Variants in CDHR2 observed in about 807,000 individuals in gnomAD.
The protein encoded by CDHR2 is cadherin-related family member 2.
In CDHR2, 104 loss-of-function variants were observed where a neutral mutation model predicts 138.6. The ratio of observed to expected loss-of-function variants is 0.75; its 90% CI spans 0.64 to 0.88. The LOEUF (loss-of-function observed/expected upper bound fraction) is 0.88. CDHR2 is among the 40% of genes least tolerant of loss of function. The pLI is 0.00. For missense variants in CDHR2, 1,624 were observed against 1,727.6 expected (o/e 0.94, Z 1.06); for synonymous variants, 755 against 742.8 (o/e 1.02, Z -0.27).
At chr5:176,585,123 C>A in intron 19 of CDHR2, 108 bp downstream of exon 19, 1 of 1,315,800 alleles carries the variant, frequency 7.6e-7, no homozygotes, top group Non-Finnish European at 1.0e-6. Flanking sequence ...TGGCTCCAGC[C>A]CTTTCCAGCT....
At chr5:176,544,121 G>A (rs190143796) in intron 1 of CDHR2, among the ~76,000 whole-genome samples, 3 of 152,254 alleles carry the variant, frequency 2.0e-5, no homozygotes, top group Non-Finnish European at 2.9e-5. Flanking sequence ...CAACCAGGTC[G>A]TCTGCTTAGC....
At position 176,568,801 on chromosome 5, in the gene CDHR2, G is replaced by A; in HGVS notation, c.248G>A (p.Ser83Asn). Reference protein sequence around the residue: ...TPKTGEVKLASALDYETLYTF... With the variant: ...TPKTGEVKLANALDYETLYTF... ...AAAACTGGGGAAGTGAAGCTGGCCA[G>A]CGCTCTGGACTACGAGGTAAAGAGC... Residue 83 changes from serine (S) to asparagine (N), a missense_variant, in exon 4 of 32, where the codon AGC becomes AAC. Physicochemically the swap from Ser to Asn is conservative, Grantham distance 46 (BLOSUM62 1). Transcript: ENST00000261944. 6.2e-7 allele frequency: 1 copy of A among 1,614,214 alleles called. No individual in the cohort carries two copies. Among genetic ancestry groups the A allele is most frequent in the South Asian group, 1.1e-5 (1 of 91,092 alleles).
At position 176,584,395 on chromosome 5, in the gene CDHR2, G is replaced by T. The variant is rs997126444; in HGVS notation, c.2129-15G>T. The T allele has an allele frequency of 6.2e-7, 1 of 1,600,274 alleles. No homozygotes were observed. The highest frequency in any genetic ancestry group is 1.3e-5 in the African/African-American group (1 of 74,930). On this transcript the variant is annotated splice_polypyrimidine_tract_variant and intron_variant, in intron 18 of 31. Coordinates refer to ENST00000261944, the MANE Select transcript of CDHR2 (RefSeq NM_017675.6). ...GGGGTCAGGAGTCCTTCTGAGCTCT[G>T]CCCCTTGTCCACAGGAGTGCTAGTG...
At chr5:176,552,975 A>G (rs1757741664) in intron 1 of CDHR2, among the ~76,000 whole-genome samples, 2 of 152,172 alleles carry the variant, frequency 1.3e-5, no homozygotes, top group Admixed American at 6.5e-5. Context: ...ACACAAATGC[A>G]AAGGGGCATC....
intron 14 of CDHR2, 59 bp downstream of exon 14, chr5:176,577,857 A>G: frequency 6.7e-7 from 1 of 1,485,190 alleles, no homozygotes; most frequent in Non-Finnish European, 9.0e-7. Flanking sequence ...TGCATGTGTG[A>G]GTGTGAGAGT....
rs749454728 is a variant in CDHR2, at chr5:176,574,040, G to A, written c.406-43G>A. 13 of 1,446,142 alleles carry A rather than the reference G, an allele frequency of 9.0e-6. No individual in the cohort carries two copies. In the Admixed American group the frequency reaches 2.1e-4, roughly 23 times the overall value. The allele number at this position is 1,446,142 out of a possible 1,614,324, so 89.6% of individuals were successfully genotyped here. A position where few individuals can be genotyped will look rare whatever the true frequency, so the allele number is the denominator to read the frequency against. On this transcript the variant is annotated intron_variant, in intron 6 of 31. Coordinates refer to ENST00000261944, the MANE Select transcript of CDHR2 (RefSeq NM_017675.6). ...GGGCAGTGACGGACAAGGGAGAGGA[G>A]GAGCTGGATTTGAGCTCATAGGTGA...
intron 17 of CDHR2, among the ~76,000 whole-genome samples, chr5:176,583,953 C>G (rs934000261): frequency 1.3e-5 from 2 of 152,144 alleles, no homozygotes; most frequent in African/African-American, 4.8e-5. Context: ...GCAAGCAGGG[C>G]TTCCTGAGGA....
At chr5:176,581,628 G>T (rs760005612) in intron 17 of CDHR2, 46 bp downstream of exon 17, 4 of 1,598,000 alleles carry the variant, frequency 2.5e-6, no homozygotes, top group South Asian at 1.1e-5. Context: ...CTCCCAAGCC[G>T]ATAGCCAGCC....
intron 1 of CDHR2, among the ~76,000 whole-genome samples, chr5:176,554,073 T>C (rs11134981): frequency 0.51 from 78,236 of 152,102 alleles, 24,721 homozygotes; most frequent in Non-Finnish European, 0.7. Flanking sequence ...TCAGTCTGGC[T>C]GAGTGCAGCC....
chr5:176,560,247 A>C (rs1407680306), intron 1 of CDHR2, among the ~76,000 whole-genome samples: 3 of 152,074 alleles, frequency 2.0e-5, no homozygotes, highest in Non-Finnish European at 4.4e-5. Context: ...AAATACAAAA[A>C]TTAGCCAGGC....
rs575722771 is a variant in CDHR2 at position 176,543,930 on chromosome 5, C to T, written c.-16+1161C>T. Among the ~76,000 whole-genome samples, 6 of 152,246 alleles carry T rather than the reference C, an allele frequency of 3.9e-5. No homozygotes were observed. The highest frequency in any genetic ancestry group is 9.6e-5 in the African/African-American group (4 of 41,466). On this transcript the variant is annotated intron_variant, in intron 1 of 31. Coordinates refer to the CDHR2 transcript ENST00000510636. This position sits in a 1 kb window ranked among gnomAD's most constrained non-coding sequence, Gnocchi z 4.0. ...CCTGTGTCCCCATCGCTAGAGCCAA[C>T]CTGGACCAGGGCATGGCCGGCACCA...
chr5:176,571,143 A>T, intron 5 of CDHR2, 70 bp from the exon 6 acceptor site: 1 of 981,064 alleles, frequency 1.0e-6, no homozygotes, highest in Non-Finnish European at 1.6e-6. Context: ...AGCTCTTTGT[A>T]CGATACTTGC....
intron 20 of CDHR2, 108 bp from the exon 21 acceptor site, chr5:176,586,685 T>C: frequency 1.0e-6 from 1 of 967,078 alleles, no homozygotes. Flanking sequence ...GGTAGAGAGG[T>C]TGAGGGCAGG....
chr5:176,557,015 TC>T (rs60974567), intron 1 of CDHR2, among the ~76,000 whole-genome samples: 4,264 of 56,082 alleles, frequency 0.076, 260 homozygotes, highest in African/African-American at 0.24. Context: ...TCTCTCTCTC[TC>T]TTTTTTTTTT....
chr5:176,557,305 G>A (rs947185993), intron 1 of CDHR2, among the ~76,000 whole-genome samples: 1 of 151,582 alleles, frequency 6.6e-6, no homozygotes, highest in Non-Finnish European at 1.5e-5. Context: ...TCCTGGGCTC[G>A]AGTGATCCTC....
In CDHR2 at chr5:176,590,591, T is replaced by C. The variant is rs767100355; in HGVS notation, c.3443T>C (p.Leu1148Pro). The change falls in exon 28 of 32, where the codon CTG becomes CCG. Residue 1148 changes from leucine to proline, a missense_variant. Physicochemically the swap from Leu to Pro is moderately conservative, Grantham distance 98 (BLOSUM62 -3). Transcript: ENST00000261944. ...LGSQESQESDLSKQLISVIIG... is the reference protein window; with the variant it reads ...LGSQESQESDPSKQLISVIIG... ...TCCCAGGAGAGCCAGGAGTCAGACCTGTCGAAACAGCTCATCAGTGTCATC... is the reference window on the plus strand; with the variant it reads ...TCCCAGGAGAGCCAGGAGTCAGACCCGTCGAAACAGCTCATCAGTGTCATC... 1.9e-6 allele frequency: 3 copies of C among 1,614,054 alleles called. No individual in the cohort carries two copies. The highest frequency in any genetic ancestry group is 2.5e-6 in the Non-Finnish European group (3 of 1,180,000).
chr5:176,582,248 G>A (rs528791627), intron 17 of CDHR2, among the ~76,000 whole-genome samples: 10 of 152,064 alleles, frequency 6.6e-5, no homozygotes, highest in South Asian at 6.2e-4. Flanking sequence ...TTGAACTCCC[G>A]AGCTCAAGCG....
chr5:176,572,129 A>G (rs1052672191), intron 6 of CDHR2, among the ~76,000 whole-genome samples: 2 of 151,794 alleles, frequency 1.3e-5, no homozygotes, highest in Non-Finnish European at 2.9e-5. Context: ...CACTCCTGTA[A>G]TACCAGCACT....
In CDHR2 at chr5:176,568,684, A is replaced by T; in HGVS notation, c.131A>T (p.Gln44Leu). 1 of 1,614,092 alleles carries T rather than the reference A, an allele frequency of 6.2e-7. No homozygotes were observed. The highest frequency in any genetic ancestry group is 8.5e-7 in the Non-Finnish European group (1 of 1,179,968). Residue 44 changes from glutamine (Q) to leucine (L), a missense_variant, in exon 4 of 32, where the codon CAG (glutamine) becomes CTG (leucine). Physicochemically the swap from Gln to Leu is moderately radical, Grantham distance 113 (BLOSUM62 -2). This residue lies in a region of CDHR2 where 1,061 missense variants were observed against 1,136.6 expected (regional missense o/e 0.93). Coordinates refer to ENST00000261944, the MANE Select transcript of CDHR2 (RefSeq NM_017675.6). Reference protein sequence around the residue: ...ILPEDLPVGAQAFWLVAEDQD... With the variant: ...ILPEDLPVGALAFWLVAEDQD... Reference sequence around the variant, plus strand: ...GCCCCTGTCCCATCCCCAGGTGCCCAGGCCTTCTGGTTGGTAGCGGAAGAC... The same window carrying T: ...GCCCCTGTCCCATCCCCAGGTGCCCTGGCCTTCTGGTTGGTAGCGGAAGAC...
Sources: allele counts gnomAD v4.1 joint callset (sites outside exome capture counted in the v4.1 genomes callset), GRCh38; gene constraint gnomAD v4.1.1; regional missense constraint gnomAD v4.1.1; non-coding constraint Gnocchi (gnomAD v3.1); transcripts MANE v1.5; gene names NCBI Gene and HGNC (gene_info 2026-07-23, HGNC 2026-07-21).